The following NEK11 variants were observed in gnomAD, a reference collection of about 807,000 sequenced individuals.
NEK11 encodes the protein serine/threonine-protein kinase Nek11.
A neutral mutation model predicts 80.7 loss-of-function variants in NEK11; 72 were observed. That is an observed-to-expected ratio of 0.89 (90% confidence interval 0.74 to 1.08). NEK11 has a LOEUF of 1.08. Ranked by LOEUF, NEK11 falls within the 50% of genes least tolerant of loss-of-function variation. The pLI is 0.00. For missense variants in NEK11, 764 were observed against 763.6 expected (o/e 1.00, Z -0.01); for synonymous variants, 251 against 260.7 (o/e 0.96, Z 0.36).
intron 4 of NEK11, among the ~76,000 whole-genome samples, chr3:131,103,393 G>A (rs2078692007): frequency 6.6e-6 from 1 of 152,152 alleles, no homozygotes; most frequent in Non-Finnish European, 1.5e-5. Flanking sequence ...CTTTATTTGT[G>A]GCTGAATTCT....
At chr3:131,066,385 C>T (rs895904574) in intron 3 of NEK11, among the ~76,000 whole-genome samples, 1 of 152,046 alleles carries the variant, frequency 6.6e-6, no homozygotes, top group Non-Finnish European at 1.5e-5. Flanking sequence ...AGGAGGGCAC[C>T]TCTCCCTTTT....
chr3:131,201,385 A>G (rs56229733), intron 14 of NEK11, among the ~76,000 whole-genome samples: 1,593 of 152,136 alleles, frequency 0.01, 10 homozygotes, highest in Non-Finnish European at 0.015. Context: ...TTCTCGACCT[A>G]TATAGTAGTT....
At chr3:131,327,090 G>A (rs1010144065) in intron 17 of NEK11, 5 of 152,258 alleles carry the variant, frequency 3.3e-5, no homozygotes, top group Admixed American at 3.3e-4. Flanking sequence ...CCAGCCTCCA[G>A]AACTCTGAGA....
chr3:131,088,561 A>AATTTTTTT (rs2076316999), intron 4 of NEK11, among the ~76,000 whole-genome samples: 1 of 152,058 alleles, frequency 6.6e-6, no homozygotes, highest in Admixed American at 6.5e-5. Flanking sequence ...ATAGAATCAC[A>AATTTTTTT]CTAATTTATT....
At chr3:131,095,619 A>G (rs1274767551) in intron 4 of NEK11, among the ~76,000 whole-genome samples, 1 of 152,206 alleles carries the variant, frequency 6.6e-6, no homozygotes, top group Admixed American at 6.5e-5. Context: ...TCTGGAAAAC[A>G]TATTAATAAC....
chr3:131,202,058 C>T (rs895900197), intron 14 of NEK11, among the ~76,000 whole-genome samples: 12 of 152,098 alleles, frequency 7.9e-5, no homozygotes, highest in African/African-American at 2.4e-4. Flanking sequence ...TGGTCTCGAT[C>T]TCCTGACCTC....
At chr3:131,039,176 G>GTT (rs72327932) in intron 3 of NEK11, among the ~76,000 whole-genome samples, 1 of 151,686 alleles carries the variant, frequency 6.6e-6, no homozygotes, top group Non-Finnish European at 1.5e-5. Context: ...TACCTTGTAG[G>GTT]TTTTTTTTCC....
At chr3:131,112,555 T>C (rs1390626975) in intron 5 of NEK11, among the ~76,000 whole-genome samples, 2 of 152,324 alleles carry the variant, frequency 1.3e-5, no homozygotes, top group African/African-American at 4.8e-5. Context: ...GATTTTTGCA[T>C]TTTAATGTAA....
Position 131,273,593 on chromosome 3 carries a change from G to T in NEK11, c.1718+19G>T. ...TGAGGGAGTAAGTAGCATGTTGCCT[G>T]CCCCCTAGGAAGGTGCAGTGTTAAA... On this transcript the variant is annotated intron_variant, in intron 17 of 17. Transcript: ENST00000383366. 2.5e-6 allele frequency: 4 copies of T among 1,577,626 alleles called. No homozygotes were observed. The highest frequency in any genetic ancestry group is 2.7e-5 in the African/African-American group (2 of 74,030).
intron 14 of NEK11, among the ~76,000 whole-genome samples, chr3:131,210,527 T>C (rs1409738573): frequency 2.0e-5 from 3 of 152,218 alleles, no homozygotes; most frequent in African/African-American, 7.2e-5. Context: ...CTGGATATCC[T>C]TGTTAACTTT....
At chr3:131,083,535 G>A (rs1030511238) in intron 4 of NEK11, among the ~76,000 whole-genome samples, 5 of 152,242 alleles carry the variant, frequency 3.3e-5, no homozygotes, top group African/African-American at 1.2e-4. Context: ...AACTGGCACA[G>A]GGCTGGTGTT....
intron 17 of NEK11, among the ~76,000 whole-genome samples, chr3:131,277,869 G>C (rs1473279012): frequency 6.6e-6 from 1 of 152,206 alleles, no homozygotes; most frequent in Non-Finnish European, 1.5e-5. Flanking sequence ...TGTTGTTAGG[G>C]TGAGTTGAGA....
intron 16 of NEK11, among the ~76,000 whole-genome samples, chr3:131,257,727 A>G (rs1012031877): frequency 6.6e-6 from 1 of 152,190 alleles, no homozygotes; most frequent in African/African-American, 2.4e-5. Context: ...CCTGGTGGTA[A>G]TGTAAACTAG....
At chr3:131,177,435 T>G (rs2093090139) in intron 14 of NEK11, among the ~76,000 whole-genome samples, 1 of 152,204 alleles carries the variant, frequency 6.6e-6, no homozygotes, top group African/African-American at 2.4e-5. Context: ...TGTTACTGTA[T>G]TTCGCTCAAT....
At chr3:131,094,595 A>G (rs1440851067) in intron 4 of NEK11, among the ~76,000 whole-genome samples, 2 of 152,178 alleles carry the variant, frequency 1.3e-5, no homozygotes, top group Non-Finnish European at 1.5e-5. Context: ...ACCACTGGAA[A>G]TTTCTCCAGG....
At position 131,155,047 on chromosome 3, in the gene NEK11, T is replaced by C. The variant is rs1277469207; in HGVS notation, c.888T>C (p.Cys296=). The C allele has an allele frequency of 6.2e-7, 1 of 1,603,816 alleles. No homozygotes were observed. The highest frequency in any genetic ancestry group is 1.7e-5 in the Admixed American group (1 of 59,990). ...GATCTTTTTTTCAGAACCTAATGTG[T>C]AGATATTCAGAAATGACTCTGGAAG... The part of the protein sequence containing the change: ...YLDEQLQNLM[C]RYSEMTLEDK... The change falls in exon 10 of 18, where the codon TGT becomes TGC. Residue 296 remains cysteine, a synonymous_variant. Transcript: ENST00000383366.
chr3:131,333,627 T>G (rs1162032890), intron 17 of NEK11, among the ~76,000 whole-genome samples: 1 of 152,084 alleles, frequency 6.6e-6, no homozygotes, highest in Non-Finnish European at 1.5e-5. Flanking sequence ...ATATTAACTT[T>G]AAATGTAAAT....
chr3:131,169,265 A>G (rs537695212), intron 13 of NEK11, among the ~76,000 whole-genome samples: 1 of 152,134 alleles, frequency 6.6e-6, no homozygotes, highest in Non-Finnish European at 1.5e-5. Context: ...TCTGTTCTCT[A>G]TTCCTTTTTG....
At chr3:131,180,667 A>G (rs1402442243) in intron 14 of NEK11, among the ~76,000 whole-genome samples, 1 of 152,216 alleles carries the variant, frequency 6.6e-6, no homozygotes, top group Non-Finnish European at 1.5e-5. Context: ...GAGAAATATC[A>G]TATTGTACTT....
Sources: allele counts gnomAD v4.1 joint callset (sites outside exome capture counted in the v4.1 genomes callset), GRCh38; gene constraint gnomAD v4.1.1; transcripts MANE v1.5; gene names NCBI Gene and HGNC (gene_info 2026-07-23, HGNC 2026-07-21).